The following UNKL variants were observed in gnomAD, a reference collection of about 807,000 sequenced individuals.
The protein encoded by UNKL is unk like zinc finger.
Under a neutral mutation model 78.0 loss-of-function variants are expected in UNKL, and 60 were observed. The observed-to-expected ratio is 0.77, with a 90% confidence interval of 0.63 to 0.95. The LOEUF is 0.95. Ranked by LOEUF, UNKL falls within the 40% of genes least tolerant of loss-of-function variation. The pLI is 0.00. For missense variants in UNKL, 1,159 were observed against 1,045.7 expected (o/e 1.11, Z -1.49); for synonymous variants, 608 against 474.8 (o/e 1.28, Z -3.65).
intron 12 of UNKL, among the ~76,000 whole-genome samples, chr16:1,368,624 A>C (rs971928967): frequency 6.7e-6 from 1 of 148,734 alleles, no homozygotes; most frequent in African/African-American, 2.5e-5. Flanking sequence ...AAAAAAAAAA[A>C]AAAAAAAAAA....
Position 1,365,127 on chromosome 16 carries a change from G to A in UNKL, c.*1113C>T, listed in dbSNP as rs80257544. ...TCCTGCCTCAGCCTCCCGAGTAGCT[G>A]GGACTACAGGTGCCCGCTCTCACGC... On this transcript the variant is annotated 3_prime_UTR_variant, in exon 15 of 15. Coordinates refer to ENST00000389221, the MANE Select transcript of UNKL (RefSeq NM_001372107.1). 2,178 of 152,144 alleles carry A rather than the reference G, an allele frequency of 0.014. 156 individuals are homozygous for A. The highest frequency in any genetic ancestry group is 0.12 in the Admixed American group (1,824 of 15,230). The allele number at this position is 152,144 out of a possible 1,614,324, so 9.4% of individuals were successfully genotyped here.
At chr16:1,374,581 C>A (rs758102865) in intron 10 of UNKL, among the ~76,000 whole-genome samples, 1 of 152,186 alleles carries the variant, frequency 6.6e-6, no homozygotes, top group Non-Finnish European at 1.5e-5. Context: ...TTCAGACAAG[C>A]TGGGGCCCAG....
At chr16:1,368,707 T>C (rs1016559810) in intron 12 of UNKL, among the ~76,000 whole-genome samples, 2 of 146,274 alleles carry the variant, frequency 1.4e-5, no homozygotes, top group African/African-American at 5.1e-5. Flanking sequence ...TTGAGACCAG[T>C]ATGGCCAACA....
intron 10 of UNKL, among the ~76,000 whole-genome samples, chr16:1,382,247 C>T (rs1424057451): frequency 6.6e-6 from 1 of 152,240 alleles, no homozygotes; most frequent in South Asian, 2.1e-4. Context: ...CAGGAGACAT[C>T]CCACACCACA....
At chr16:1,407,733 A>T (rs1358697141) in intron 2 of UNKL, among the ~76,000 whole-genome samples, 1 of 150,426 alleles carries the variant, frequency 6.6e-6, no homozygotes, top group East Asian at 2.0e-4. Flanking sequence ...TCTGTGTGTC[A>T]ATCTGGAAAA....
chr16:1,397,840 G>C (rs1030026049), intron 5 of UNKL, among the ~76,000 whole-genome samples: 3 of 151,940 alleles, frequency 2.0e-5, no homozygotes, highest in African/African-American at 7.3e-5. Flanking sequence ...AGGTGTCAGG[G>C]GGACACAGGA....
chr16:1,385,211 G>A lies in UNKL; in HGVS notation c.1261C>T (p.Leu421Phe). ...AGGAGGACGGTGCTGGACTTACCGAGGACGGCCTCCACAGTGCTGCTGGCG... is the reference window on the plus strand; with the variant it reads ...AGGAGGACGGTGCTGGACTTACCGAAGACGGCCTCCACAGTGCTGCTGGCG... Reference protein sequence around the residue: ...GPASSTVEAVLGSALDLHLSN... With the variant: ...GPASSTVEAVFGSALDLHLSN... Residue 421 changes from leucine (L) to phenylalanine (F), a missense_variant, in exon 10 of 15, where the codon CTC becomes TTC. By Grantham distance (22) the Leu-to-Phe change is conservative. Transcript: ENST00000389221. The A allele has an allele frequency of 7.8e-7, 1 of 1,282,812 alleles. No homozygotes were observed. Among genetic ancestry groups the A allele is most frequent in the Non-Finnish European group, 9.8e-7 (1 of 1,015,668 alleles). 79.5% of individuals were successfully genotyped at this position (1,282,812 alleles called of 1,614,324 possible). A position where few individuals can be genotyped will look rare whatever the true frequency, so the allele number is the denominator to read the frequency against.
intron 10 of UNKL, chr16:1,379,488 C>T: frequency 1.0e-6 from 1 of 985,362 alleles, no homozygotes; most frequent in Non-Finnish European, 1.2e-6. Flanking sequence ...AGCCCGGGCC[C>T]ACCCCGCGGC....
intron 11 of UNKL, 91 bp from the exon 12 acceptor site, chr16:1,370,448 G>A (rs975410120): frequency 2.2e-5 from 33 of 1,488,494 alleles, no homozygotes; most frequent in Non-Finnish European, 2.8e-5. Flanking sequence ...GACGGACCCT[G>A]CAGGTGGTGG....
chr16:1,385,142 C>A, intron 10 of UNKL, 66 bp downstream of exon 10: 1 of 1,141,794 alleles, frequency 8.8e-7, no homozygotes, highest in Non-Finnish European at 1.1e-6. Flanking sequence ...GAAGCGCTGT[C>A]CCTGAAAAGC....
Position 1,394,187 on chromosome 16 carries a change from A to G in UNKL, c.881T>C (p.Met294Thr). The change falls in exon 7 of 15, where the codon ATG becomes ACG. Residue 294 changes from methionine (M) to threonine (T), a missense_variant. By Grantham distance (81) the Met-to-Thr change is moderately conservative. Transcript: ENST00000389221. ...EIYKSTKCND[M>T]RQTGYCPRGP... ...GCGCGGGCAGTACCCGGTTTGGCGC[A>G]TGTCGTTGCATTTTGTAGATTTGTA... 6.4e-7 allele frequency: 1 copy of G among 1,550,730 alleles called. No homozygotes were observed. The highest frequency in any genetic ancestry group is 8.7e-7 in the Non-Finnish European group (1 of 1,147,014).
intron 9 of UNKL, among the ~76,000 whole-genome samples, chr16:1,385,707 G>T (rs546350232): frequency 2.6e-5 from 4 of 152,210 alleles, no homozygotes; most frequent in African/African-American, 7.2e-5. Flanking sequence ...ATGTGTCAGC[G>T]GCCAGGAGCC....
chr16:1,389,565 AC>A (rs2036957577), intron 9 of UNKL, among the ~76,000 whole-genome samples: 1 of 152,284 alleles, frequency 6.6e-6, no homozygotes, highest in Middle Eastern at 3.4e-3. Flanking sequence ...ACACAGCCAG[AC>A]CCTGCCTCAA....
At chr16:1,380,565 C>T (rs2036563645) in intron 10 of UNKL, among the ~76,000 whole-genome samples, 1 of 146,526 alleles carries the variant, frequency 6.8e-6, no homozygotes, top group African/African-American at 2.5e-5. Flanking sequence ...GCAAAGCTCA[C>T]AATTTCAGCC....
rs1022506311 is a variant in UNKL at position 1,378,713 on chromosome 16, G to C, written c.1264+6495C>G. On this transcript the variant is annotated intron_variant, in intron 10 of 14. Coordinates refer to ENST00000389221, the MANE Select transcript of UNKL (RefSeq NM_001372107.1). ...GCTGCCTGGAGAGGGGACGTTCAGG[G>C]AGCGTGTGGGTGCCCCCGAGAGACT... is the stretch of plus-strand genomic sequence containing the variant. 1.1e-4 allele frequency among the ~76,000 whole-genome samples: 16 copies of C among 152,256 alleles called. No homozygotes were observed. The East Asian group carries it at 2.3e-3, about 22-fold the overall frequency.
At position 1,365,202 on chromosome 16, in the gene UNKL, A is replaced by C. The variant is rs1235321308; in HGVS notation, c.*1038T>G. 6.6e-6 allele frequency: 1 copy of C among 152,184 alleles called. No individual in the cohort carries two copies. The highest frequency in any genetic ancestry group is 1.5e-5 in the Non-Finnish European group (1 of 68,044). 9.4% of individuals were successfully genotyped at this position (152,184 alleles called of 1,614,324 possible). A position where few individuals can be genotyped will look rare whatever the true frequency, so the allele number is the denominator to read the frequency against. On this transcript the variant is annotated 3_prime_UTR_variant, in exon 15 of 15. Coordinates refer to ENST00000389221, the MANE Select transcript of UNKL (RefSeq NM_001372107.1). ...AAGACGGGGTTGCACCATGTTGGCC[A>C]GGCTGGTCTTGAACTCCTGACCTTA...
In UNKL at chr16:1,363,453, C is replaced by T. The variant is rs970870346; in HGVS notation, c.*2787G>A. 5.8e-5 allele frequency: 20 copies of T among 343,592 alleles called. No individual in the cohort carries two copies. Among genetic ancestry groups the T allele is most frequent in the African/African-American group, 1.9e-4 (9 of 46,754 alleles). 21.3% of individuals were successfully genotyped at this position (343,592 alleles called of 1,614,324 possible). On this transcript the variant is annotated 3_prime_UTR_variant, in exon 15 of 15. Transcript: ENST00000389221. ...AATTAATCCACTTGAGGCGTCCACG[C>T]GGAACAAGGTCTGCTGACCACAGTT...
At chr16:1,376,290 C>G (rs1052676520) in intron 10 of UNKL, among the ~76,000 whole-genome samples, 1 of 143,012 alleles carries the variant, frequency 7.0e-6, no homozygotes, top group Non-Finnish European at 1.5e-5. Context: ...CACGCTCCTC[C>G]TCCACTCTCC....
At position 1,399,548 on chromosome 16, in the gene UNKL, G is replaced by A; in HGVS notation, c.599-39C>T. 1.3e-6 allele frequency: 2 copies of A among 1,565,446 alleles called. No homozygotes were observed. The highest frequency in any genetic ancestry group is 2.3e-5 in the South Asian group (2 of 85,714). On this transcript the variant is annotated intron_variant, in intron 4 of 14. Coordinates refer to ENST00000389221, the MANE Select transcript of UNKL (RefSeq NM_001372107.1). This position sits in a 1 kb window ranked among gnomAD's most constrained non-coding sequence, Gnocchi z 5.8. ...CACACGGTGCCTGAGCAGCGCGACT[G>A]GAAGCAATGCTGGGCAGAGGAGACC... is the stretch of plus-strand genomic sequence containing the variant.
Sources: allele counts gnomAD v4.1 joint callset (sites outside exome capture counted in the v4.1 genomes callset), GRCh38; gene constraint gnomAD v4.1.1; non-coding constraint Gnocchi (gnomAD v3.1); transcripts MANE v1.5; gene names NCBI Gene and HGNC (gene_info 2026-07-23, HGNC 2026-07-21).